The following MBNL1 variants were observed in gnomAD, a reference collection of about 807,000 sequenced individuals.
MBNL1 encodes the protein muscleblind-like protein 1.
A neutral mutation model predicts 42.2 loss-of-function variants in MBNL1; 8 were observed. The observed-to-expected ratio is 0.19, with a 90% CI of 0.11 to 0.34. The LOEUF is 0.34. Ranked by LOEUF, MBNL1 falls within the 10% of genes least tolerant of loss-of-function variation. The pLI, the probability that MBNL1 is intolerant of heterozygous loss-of-function variation, is 1.00. For synonymous variants in MBNL1, 169 were observed against 173.9 expected (o/e 0.97, Z 0.22); for missense variants, 309 against 495.3 (o/e 0.62, Z 3.57).
At chr3:152,333,805 C>T (rs1011229334) in intron 2 of MBNL1, among the ~76,000 whole-genome samples, 2 of 152,068 alleles carry the variant, frequency 1.3e-5, no homozygotes, top group African/African-American at 2.4e-5. Flanking sequence ...ATGTCTGTCT[C>T]GTTAACAATA....
At position 152,319,297 on chromosome 3, in the gene MBNL1, G is replaced by A. The variant is rs545709660; in HGVS notation, c.174+18930G>A. ...GTCACTTTCCACATTGAACTCTGCT[G>A]ATTTAGTGTGTTAGAATTGCCATCA... On this transcript the variant is annotated intron_variant, in intron 2 of 9. Transcript: ENST00000324210. Among the ~76,000 whole-genome samples, 7 of 152,226 alleles carry A rather than the reference G, an allele frequency of 4.6e-5. No homozygotes were observed. In the South Asian group the frequency reaches 8.3e-4, roughly 18 times the overall value.
intron 3 of MBNL1, among the ~76,000 whole-genome samples, chr3:152,417,019 T>C (rs1384871582): frequency 6.6e-6 from 1 of 152,240 alleles, no homozygotes; most frequent in Non-Finnish European, 1.5e-5. Context: ...GCTAAAGGTA[T>C]CCTGAGATCA....
chr3:152,297,775 G>A (rs1560039415), intron 1 of MBNL1, among the ~76,000 whole-genome samples: 1 of 152,138 alleles, frequency 6.6e-6, no homozygotes, highest in East Asian at 1.9e-4. Context: ...TTCTGCCTCA[G>A]CCTCCTGAGT....
chr3:152,369,680 A>G (rs1207771068), intron 2 of MBNL1, among the ~76,000 whole-genome samples: 2 of 152,056 alleles, frequency 1.3e-5, no homozygotes, highest in African/African-American at 2.4e-5. Flanking sequence ...TACTGCTTCA[A>G]TTTCAGAACT....
intron 2 of MBNL1, among the ~76,000 whole-genome samples, chr3:152,316,437 G>A (rs1294798375): frequency 2.0e-5 from 3 of 152,312 alleles, no homozygotes; most frequent in African/African-American, 7.2e-5. Context: ...TGAGTCAACA[G>A]CTTGCATGGC....
At chr3:152,375,377 G>C (rs1417541269) in intron 2 of MBNL1, among the ~76,000 whole-genome samples, 1 of 152,150 alleles carries the variant, frequency 6.6e-6, no homozygotes, top group East Asian at 1.9e-4. Context: ...AAACACCACT[G>C]ATTACTGTTG....
chr3:152,374,551 G>A (rs1014502226), intron 2 of MBNL1, among the ~76,000 whole-genome samples: 1 of 152,156 alleles, frequency 6.6e-6, no homozygotes, highest in Admixed American at 6.5e-5. Flanking sequence ...TATATGCCGT[G>A]ACCATTCAAA....
intron 2 of MBNL1, among the ~76,000 whole-genome samples, chr3:152,384,221 T>C (rs1226682852): frequency 6.6e-6 from 1 of 152,040 alleles, no homozygotes; most frequent in Non-Finnish European, 1.5e-5. Flanking sequence ...CTAGAGGAAA[T>C]GTGTTTCTTT....
intron 2 of MBNL1, among the ~76,000 whole-genome samples, chr3:152,260,859 A>C (rs1300223910): frequency 6.6e-6 from 1 of 152,180 alleles, no homozygotes; most frequent in East Asian, 1.9e-4. Flanking sequence ...GACAAAATGT[A>C]CCACCTTGCA....
intron 7 of MBNL1, 85 bp downstream of exon 7, chr3:152,455,662 T>C (rs1732191869): frequency 2.5e-6 from 3 of 1,209,878 alleles, no homozygotes; most frequent in Non-Finnish European, 3.7e-6. Context: ...GTTTAACTTA[T>C]ATCTATTGGG....
chr3:152,348,565 CTACATT>C (rs1324580492), intron 2 of MBNL1, among the ~76,000 whole-genome samples: 4 of 152,016 alleles, frequency 2.6e-5, no homozygotes, highest in Admixed American at 6.6e-5. Context: ...TTGAATTACT[CTACATT>C]TACAGAGCTT....
intron 2 of MBNL1, among the ~76,000 whole-genome samples, chr3:152,257,307 T>G (rs1252935621): frequency 6.6e-6 from 1 of 152,126 alleles, no homozygotes; most frequent in African/African-American, 2.4e-5. Flanking sequence ...TAGTACACAT[T>G]TGTTGACATG....
At chr3:152,434,016 T>C (rs941743700) in intron 4 of MBNL1, among the ~76,000 whole-genome samples, 1 of 152,192 alleles carries the variant, frequency 6.6e-6, no homozygotes, top group Non-Finnish European at 1.5e-5. Context: ...AATGACCTTT[T>C]CCTCTTTTCC....
intron 2 of MBNL1, among the ~76,000 whole-genome samples, chr3:152,251,110 A>C (rs2034452973): frequency 6.6e-6 from 1 of 152,098 alleles, no homozygotes; most frequent in Non-Finnish European, 1.5e-5. Context: ...CCAATTATCT[A>C]CTTCATAGAT....
intron 4 of MBNL1, among the ~76,000 whole-genome samples, chr3:152,436,356 T>G (rs959107040): frequency 5.9e-5 from 9 of 152,250 alleles, no homozygotes; most frequent in Non-Finnish European, 1.3e-4. Flanking sequence ...CAACTCTTTC[T>G]TGTTAGGTAG....
At chr3:152,432,643 C>T in intron 3 of MBNL1, 74 bp from the exon 4 acceptor site, 1 of 1,306,954 alleles carries the variant, frequency 7.7e-7, no homozygotes, top group South Asian at 1.2e-5. Context: ...GGATGGAGGA[C>T]AAATGTATAA....
chr3:152,294,877 A>T (rs917992873), intron 1 of MBNL1, among the ~76,000 whole-genome samples: 1 of 152,238 alleles, frequency 6.6e-6, no homozygotes, highest in African/African-American at 2.4e-5. Flanking sequence ...ATCTTAATTT[A>T]CCAAAAGAGA....
intron 2 of MBNL1, among the ~76,000 whole-genome samples, chr3:152,380,376 A>G (rs1217002860): frequency 2.0e-5 from 3 of 152,078 alleles, no homozygotes; most frequent in East Asian, 3.8e-4. Flanking sequence ...TCTAAACTCA[A>G]AGTTTATGGT....
chr3:152,287,719 T>G (rs1331279485), intron 1 of MBNL1, among the ~76,000 whole-genome samples: 1 of 152,214 alleles, frequency 6.6e-6, no homozygotes, highest in Non-Finnish European at 1.5e-5. Flanking sequence ...TATTTCAGTT[T>G]ATTAGCTAGC....
Sources: allele counts gnomAD v4.1 joint callset (sites outside exome capture counted in the v4.1 genomes callset), GRCh38; gene constraint gnomAD v4.1.1; transcripts MANE v1.5; gene names NCBI Gene and HGNC (gene_info 2026-07-23, HGNC 2026-07-21).